Variants in CALN1 observed in about 807,000 individuals in gnomAD.
CALN1 encodes the protein calcium-binding protein 8.
CALN1 carries 17 observed loss-of-function variants against 30.6 expected under a neutral mutation model. The ratio of observed to expected loss-of-function variants is 0.56; its 90% CI spans 0.38 to 0.83. The LOEUF (loss-of-function observed/expected upper bound fraction) is 0.83. Ranked by LOEUF, CALN1 falls within the 40% of genes least tolerant of loss-of-function variation. CALN1 has a pLI of 0.00. For synonymous variants in CALN1, 156 were observed against 131.4 expected, an observed-to-expected ratio of 1.19 and a Z score of -1.28; for missense variants, 291 against 354.9, an observed-to-expected ratio of 0.82 and a Z score of 1.45.
At chr7:72,198,176 G>A (rs1216473836) in intron 3 of CALN1, among the ~76,000 whole-genome samples, 1 of 152,210 alleles carries the variant, frequency 6.6e-6, no homozygotes, top group African/African-American at 2.4e-5. Flanking sequence ...GAAGGAAGAG[G>A]AGGAAGAATT....
At position 72,054,484 on chromosome 7, in the gene CALN1, TATATATAC is replaced by T. The variant is rs1563015694; in HGVS notation, c.389-30723_389-30716del. Among the ~76,000 whole-genome samples, 26 of 124,088 alleles carry T rather than the reference TATATATAC, an allele frequency of 2.1e-4. 1 individual carries two copies. Among genetic ancestry groups the T allele is most frequent in the African/African-American group, 7.8e-4 (20 of 25,598 alleles). 81.4% of individuals were successfully genotyped at this position (124,088 alleles called of 152,430 possible). On this transcript the variant is annotated intron_variant, in intron 4 of 6. Coordinates refer to ENST00000395275, the MANE Select transcript of CALN1 (RefSeq NM_031468.4). The stretch of plus-strand genomic sequence containing the variant: ...ATATATATACATATATACATACATA[TATATATAC>T]ATATATACATATATATACATATATA...
chr7:72,443,142 G>A (rs572627102), intron 1 of CALN1, among the ~76,000 whole-genome samples: 5 of 152,250 alleles, frequency 3.3e-5, no homozygotes, highest in African/African-American at 9.6e-5. Context: ...CCTCCTCCTC[G>A]GCTGTATTTC....
chr7:72,202,370 GAACA>G (rs1562728657), intron 3 of CALN1, among the ~76,000 whole-genome samples: 1 of 151,890 alleles, frequency 6.6e-6, no homozygotes, highest in Non-Finnish European at 1.5e-5. Context: ...GAATAGAGTA[GAACA>G]AAAACAACAA....
intron 4 of CALN1, 66 bp from the exon 5 acceptor site, chr7:72,023,835 A>G: frequency 9.0e-7 from 1 of 1,109,304 alleles, no homozygotes; most frequent in Non-Finnish European, 1.4e-6. Flanking sequence ...ACCTGATGCA[A>G]TAAACACCTC....
chr7:72,295,341 G>C (rs899305932), intron 2 of CALN1, among the ~76,000 whole-genome samples: 14 of 152,004 alleles, frequency 9.2e-5, no homozygotes, highest in African/African-American at 3.1e-4. Context: ...TTAAATCACA[G>C]AGTGTAGCAA....
At chr7:72,499,915 A>ACTT in the CALN1 span, among the ~76,000 whole-genome samples, 1 of 20,112 alleles carries the variant, frequency 5.0e-5, no homozygotes, top group East Asian at 1.1e-3. Flanking sequence ...CTTTCTTTCT[A>ACTT]TCTTTCTCTT....
chr7:72,455,132 C>A, the CALN1 span, among the ~76,000 whole-genome samples: 1 of 151,982 alleles, frequency 6.6e-6, no homozygotes, highest in African/African-American at 2.4e-5. Flanking sequence ...CGCCCGGCCT[C>A]TGCTCTCTTA....
At chr7:72,325,690 A>AGG (rs1801223839) in intron 2 of CALN1, among the ~76,000 whole-genome samples, 1 of 152,180 alleles carries the variant, frequency 6.6e-6, no homozygotes, top group African/African-American at 2.4e-5. Context: ...TTAGTTGCCT[A>AGG]GGTAAATAAC....
intron 3 of CALN1, among the ~76,000 whole-genome samples, chr7:72,242,287 A>C (rs1794891743): frequency 6.6e-6 from 1 of 152,198 alleles, no homozygotes; most frequent in Admixed American, 6.5e-5. Flanking sequence ...ATTGTGAATA[A>C]TGCTGCTATG....
rs1484379459 is a variant in CALN1, at chr7:72,339,063, C to T, written c.120-60253G>A. 5.8e-5 allele frequency among the ~76,000 whole-genome samples: 8 copies of T among 136,772 alleles called. No individual in the cohort carries two copies. The Admixed American group carries it at 6.5e-4, about 11-fold the overall frequency. The allele number at this position is 136,772 out of a possible 152,430, so 89.7% of individuals were successfully genotyped here. A position where few individuals can be genotyped will look rare whatever the true frequency, so the allele number is the denominator to read the frequency against. ...TTTAGATCCCATAAATAAGTGAAAA[C>T]ATGTGATGTTTGTCTTTCTGTGCCG... On this transcript the variant is annotated intron_variant, in intron 2 of 6. Coordinates refer to ENST00000395275, the MANE Select transcript of CALN1 (RefSeq NM_031468.4).
chr7:72,166,577 C>T (rs556646744), intron 3 of CALN1, among the ~76,000 whole-genome samples: 1 of 152,298 alleles, frequency 6.6e-6, no homozygotes, highest in East Asian at 1.9e-4. Context: ...AAATGCATTC[C>T]TAATTGATAA....
intron 6 of CALN1, among the ~76,000 whole-genome samples, chr7:71,803,859 T>C (rs575225925): frequency 6.6e-6 from 1 of 151,918 alleles, no homozygotes; most frequent in African/African-American, 2.4e-5. Flanking sequence ...ATGTAAAGGG[T>C]GATGCTTCCA....
At chr7:72,112,892 G>A (rs1339518188) in intron 3 of CALN1, among the ~76,000 whole-genome samples, 1 of 152,134 alleles carries the variant, frequency 6.6e-6, no homozygotes, top group Non-Finnish European at 1.5e-5. Flanking sequence ...GATGTTGAAG[G>A]GACAACTCTG....
chr7:72,287,223 CCA>C (rs1473298526), intron 2 of CALN1, among the ~76,000 whole-genome samples: 1 of 152,064 alleles, frequency 6.6e-6, no homozygotes, highest in Admixed American at 6.6e-5. Context: ...TTCCCTCCCT[CCA>C]CAGTGACAAC....
intron 5 of CALN1, among the ~76,000 whole-genome samples, chr7:72,007,692 C>CA (rs1263716234): frequency 6.6e-6 from 1 of 152,044 alleles, no homozygotes; most frequent in African/African-American, 2.4e-5. Context: ...TATTGATCAC[C>CA]ACAACATCTG....
chr7:72,299,368 G>A (rs1799089161), intron 2 of CALN1, among the ~76,000 whole-genome samples: 2 of 151,978 alleles, frequency 1.3e-5, no homozygotes, highest in South Asian at 4.2e-4. Flanking sequence ...AACACAATAA[G>A]AGACTATTTA....
chr7:71,994,761 G>A (rs909420294), intron 5 of CALN1, among the ~76,000 whole-genome samples: 1 of 152,100 alleles, frequency 6.6e-6, no homozygotes, highest in Non-Finnish European at 1.5e-5. Flanking sequence ...AGCTTAAGGA[G>A]GTGGTGTCTG....
At chr7:72,127,188 T>G (rs561952253) in intron 3 of CALN1, among the ~76,000 whole-genome samples, 1 of 151,590 alleles carries the variant, frequency 6.6e-6, no homozygotes, top group African/African-American at 2.4e-5. Context: ...GAGGTAAGGG[T>G]GGTAGCCATG....
intron 3 of CALN1, among the ~76,000 whole-genome samples, chr7:72,186,303 G>C (rs1019676889): frequency 1.3e-5 from 2 of 151,948 alleles, no homozygotes; most frequent in Non-Finnish European, 2.9e-5. Context: ...CGAATGGACA[G>C]GTGGGAAAAG....
Sources: allele counts gnomAD v4.1 joint callset (sites outside exome capture counted in the v4.1 genomes callset), GRCh38; gene constraint gnomAD v4.1.1; transcripts MANE v1.5; gene names NCBI Gene and HGNC (gene_info 2026-07-23, HGNC 2026-07-21).